The following OR3A2 variants were observed in gnomAD, a reference collection of about 807,000 sequenced individuals.
The protein encoded by OR3A2 is olfactory receptor family 3 subfamily A member 2.
For missense variants in OR3A2, 318 were observed against 392.8 expected (o/e 0.81, Z 1.61); for synonymous variants, 126 against 159.3 (o/e 0.79, Z 1.57).
intron 1 of OR3A2, among the ~76,000 whole-genome samples, chr17:3,280,451 T>G (rs968925062): frequency 6.6e-6 from 1 of 152,024 alleles, no homozygotes; most frequent in Non-Finnish European, 1.5e-5. Context: ...TTTTTGTATT[T>G]TTAGTAGAGA....
chr17:3,369,469 C>T (rs767131055), intron 2 of OR3A2, among the ~76,000 whole-genome samples: 1 of 152,148 alleles, frequency 6.6e-6, no homozygotes, highest in Non-Finnish European at 1.5e-5. Flanking sequence ...TTGTCAAATG[C>T]TTTTTCTGCA....
intron 2 of OR3A2, among the ~76,000 whole-genome samples, chr17:3,374,412 GTTCT>G (rs1382931691): frequency 6.6e-6 from 1 of 152,238 alleles, no homozygotes; most frequent in South Asian, 2.1e-4. Flanking sequence ...TTAGATTTCA[GTTCT>G]TTCTCAGGAA....
intron 2 of OR3A2, among the ~76,000 whole-genome samples, chr17:3,363,045 C>T (rs1022952480): frequency 6.6e-6 from 1 of 151,822 alleles, no homozygotes; most frequent in Non-Finnish European, 1.5e-5. Context: ...ATTTTTCCCT[C>T]TTAGGCCTCT....
At chr17:3,384,355 G>A (rs1304881889) in intron 1 of OR3A2, among the ~76,000 whole-genome samples, 1 of 152,236 alleles carries the variant, frequency 6.6e-6, no homozygotes, top group African/African-American at 2.4e-5. Flanking sequence ...ACTGAGGACA[G>A]AGCAAGGACA....
At chr17:3,352,842 T>C (rs1567565080) in intron 2 of OR3A2, among the ~76,000 whole-genome samples, 1 of 152,044 alleles carries the variant, frequency 6.6e-6, no homozygotes, top group Non-Finnish European at 1.5e-5. Context: ...TTGGGTAGTA[T>C]GGGCATTTTA....
chr17:3,328,968 T>C (rs1597343091), intron 3 of OR3A2, among the ~76,000 whole-genome samples: 1 of 151,580 alleles, frequency 6.6e-6, no homozygotes, highest in Non-Finnish European at 1.5e-5. Context: ...ATTGAGATAA[T>C]CATGTGGTTT....
At chr17:3,303,041 T>C (rs977866073) in intron 3 of OR3A2, among the ~76,000 whole-genome samples, 7 of 152,312 alleles carry the variant, frequency 4.6e-5, no homozygotes, top group Admixed American at 3.3e-4. Context: ...ATATGGAAAT[T>C]TGATCCATGA....
chr17:3,280,421 A>G (rs190552122), intron 1 of OR3A2, among the ~76,000 whole-genome samples: 2,813 of 151,830 alleles, frequency 0.019, 93 homozygotes, highest in African/African-American at 0.063. Context: ...ACAGGCGCCC[A>G]CCACCACGCC....
At chr17:3,280,254 C>A (rs74844701) in intron 1 of OR3A2, among the ~76,000 whole-genome samples, 1 of 151,880 alleles carries the variant, frequency 6.6e-6, no homozygotes, top group African/African-American at 2.4e-5. Context: ...TGGAAAACCA[C>A]GCTGAAGTCA....
chr17:3,322,798 G>A (rs78967868), intron 3 of OR3A2, among the ~76,000 whole-genome samples: 2 of 152,066 alleles, frequency 1.3e-5, no homozygotes, highest in Admixed American at 6.6e-5. Flanking sequence ...CCAACTATGT[G>A]GTCAATTTTC....
chr17:3,283,385 CCAGCTAACTTTGTATTTTT>C (rs2048789062), intron 1 of OR3A2, among the ~76,000 whole-genome samples: 1 of 152,140 alleles, frequency 6.6e-6, no homozygotes, highest in Admixed American at 6.6e-5. Flanking sequence ...GCCACCACGC[CCAGCTAACTTTGTATTTTT>C]AGTAGAGACA....
At chr17:3,332,694 G>C (rs1234373378) in intron 3 of OR3A2, among the ~76,000 whole-genome samples, 1 of 152,240 alleles carries the variant, frequency 6.6e-6, no homozygotes, top group Non-Finnish European at 1.5e-5. Context: ...GTAGACCAGA[G>C]CTGTTCCTAT....
chr17:3,337,273 C>A (rs1337144912), intron 2 of OR3A2, among the ~76,000 whole-genome samples: 1 of 151,810 alleles, frequency 6.6e-6, no homozygotes, highest in Non-Finnish European at 1.5e-5. Flanking sequence ...TTCATGTGCA[C>A]TTTTTAAAAT....
At chr17:3,277,647 T>C (rs753376639) in exon 2 of OR3A2, 3 of 226,974 alleles carry the variant, frequency 1.3e-5, no homozygotes, top group South Asian at 1.9e-4. Context: ...TTCATCTCTA[T>C]AGAAACTATC....
chr17:3,369,620 G>T (rs184525820), intron 2 of OR3A2, among the ~76,000 whole-genome samples: 1 of 152,140 alleles, frequency 6.6e-6, no homozygotes, highest in East Asian at 1.9e-4. Flanking sequence ...ATATGCTGTT[G>T]GATTCAGTTA....
chr17:3,372,093 C>A (rs2057233996), intron 2 of OR3A2, among the ~76,000 whole-genome samples: 2 of 147,168 alleles, frequency 1.4e-5, no homozygotes, highest in South Asian at 2.3e-4. Context: ...CGGAGGGTCT[C>A]CTCTCTTCTC....
At chr17:3,276,488 A>G (rs1392976170), downstream of OR3A2, among the ~76,000 whole-genome samples, 1 of 152,212 alleles carries the variant, frequency 6.6e-6, no homozygotes, top group Non-Finnish European at 1.5e-5. Flanking sequence ...TGACAAAATA[A>G]TATCGTCTGA....
At chr17:3,334,140 C>T (rs113576827) in intron 3 of OR3A2, among the ~76,000 whole-genome samples, 2 of 152,274 alleles carry the variant, frequency 1.3e-5, no homozygotes, top group Non-Finnish European at 2.9e-5. Context: ...AAAAGGAGCG[C>T]TTTTACATTG....
rs1352340911 is a variant in OR3A2 at position 3,278,198 on chromosome 17, G to C, written c.720C>G (p.Ala240=). The change falls in exon 2 of 2, where the codon GCC becomes GCG. Residue 240 remains alanine (A), a synonymous_variant. Transcript: ENST00000642052. ...TGAGGTGGGAGCCACACGTGGAGAA[G>C]GCCTTCTTTCGGCCCTCCACTGAAC... is the stretch of plus-strand genomic sequence containing the variant. 7 of 1,614,120 alleles carry C rather than the reference G, an allele frequency of 4.3e-6. No homozygotes were observed. The Admixed American group carries it at 1.2e-4, about 27-fold the overall frequency.
Sources: gnomAD v4.1 joint callset for allele counts (sites outside exome capture counted in the v4.1 genomes callset) on GRCh38, gnomAD v4.1.1 for gene constraint, MANE v1.5 for transcripts, NCBI Gene and HGNC (gene_info 2026-07-23, HGNC 2026-07-21) for gene names.